Variants in CDK6 observed in about 807,000 individuals in gnomAD.
The protein encoded by CDK6 is cyclin-dependent kinase 6.
Under a neutral mutation model 37.1 loss-of-function variants are expected in CDK6, and 6 were observed. That is an observed-to-expected ratio of 0.16 (90% CI 0.09 to 0.32). CDK6 has a LOEUF of 0.32. Among genes scored for constraint, CDK6 ranks in the 10% least tolerant of loss-of-function variants. The pLI, the probability that CDK6 is intolerant of heterozygous loss-of-function variation, is 1.00. For missense variants in CDK6, 224 were observed against 418.9 expected, an observed-to-expected ratio of 0.53 and a Z score of 4.06; for synonymous variants, 160 against 161.3, an observed-to-expected ratio of 0.99 and a Z score of 0.06.
At chr7:92,749,960 G>A (rs1799151071) in intron 3 of CDK6, among the ~76,000 whole-genome samples, 2 of 152,152 alleles carry the variant, frequency 1.3e-5, no homozygotes, top group South Asian at 4.1e-4. Context: ...TCTAGTTGAG[G>A]AGAATAAAAT....
At chr7:92,732,808 T>A (rs528222790) in intron 3 of CDK6, among the ~76,000 whole-genome samples, 30 of 152,296 alleles carry the variant, frequency 2.0e-4, no homozygotes, top group Non-Finnish European at 3.1e-4. Flanking sequence ...CTTCCTCATC[T>A]CCCATTCCTC....
intron 3 of CDK6, among the ~76,000 whole-genome samples, chr7:92,752,712 C>G (rs1443566805): frequency 1.6e-4 from 24 of 152,130 alleles, no homozygotes; most frequent in Admixed American, 1.6e-3. Flanking sequence ...CAAAGCAGTT[C>G]ATCATGATTG....
At chr7:92,628,039 C>G (rs1795968731) in intron 5 of CDK6, among the ~76,000 whole-genome samples, 1 of 152,056 alleles carries the variant, frequency 6.6e-6, no homozygotes, top group Admixed American at 6.6e-5. Context: ...CAATCAAGTA[C>G]TTGTCTGGAG....
At chr7:92,763,183 A>G (rs1799500444) in intron 3 of CDK6, among the ~76,000 whole-genome samples, 1 of 152,242 alleles carries the variant, frequency 6.6e-6, no homozygotes, top group Non-Finnish European at 1.5e-5. Context: ...CTAGAATGAC[A>G]ATTAGAAGAA....
chr7:92,759,716 A>G (rs1799407085), intron 3 of CDK6, among the ~76,000 whole-genome samples: 1 of 146,412 alleles, frequency 6.8e-6, no homozygotes, highest in Non-Finnish European at 1.5e-5. Context: ...AAAAAAAAAA[A>G]GAAAAAAGAA....
At chr7:92,715,580 T>A (rs543350879) in intron 4 of CDK6, among the ~76,000 whole-genome samples, 1 of 152,258 alleles carries the variant, frequency 6.6e-6, no homozygotes, top group Admixed American at 6.5e-5. Flanking sequence ...TTTCAATCCC[T>A]AGAGAGGGGG....
At chr7:92,682,351 C>T (rs901986217) in intron 4 of CDK6, among the ~76,000 whole-genome samples, 3 of 152,170 alleles carry the variant, frequency 2.0e-5, no homozygotes, top group South Asian at 4.1e-4. Context: ...TGTCAGAGAC[C>T]GTGAGGTTCT....
intron 5 of CDK6, among the ~76,000 whole-genome samples, chr7:92,664,708 C>T (rs1033571984): frequency 6.6e-6 from 1 of 152,172 alleles, no homozygotes; most frequent in African/African-American, 2.4e-5. Context: ...GCAGAGCTGG[C>T]AACTCAGAAC....
intron 2 of CDK6, among the ~76,000 whole-genome samples, chr7:92,808,988 T>C (rs982435417): frequency 6.6e-6 from 1 of 152,174 alleles, no homozygotes; most frequent in Admixed American, 6.6e-5. Flanking sequence ...TAGAGGCCTC[T>C]GTAAAGATGA....
intron 4 of CDK6, among the ~76,000 whole-genome samples, chr7:92,711,551 AATTTTTTTTTTTT>A (rs1657200645): frequency 7.7e-6 from 1 of 130,532 alleles, no homozygotes; most frequent in Non-Finnish European, 1.5e-5. Context: ...GGAATGGTCA[AATTTTTTTTTTTT>A]TTTTTTTTTT....
intron 2 of CDK6, among the ~76,000 whole-genome samples, chr7:92,803,713 C>T (rs117944678): frequency 2.0e-5 from 3 of 152,200 alleles, no homozygotes; most frequent in Non-Finnish European, 4.4e-5. Flanking sequence ...ATCATATGAA[C>T]TGGAACATAA....
chr7:92,611,946 C>T lies in CDK6; in HGVS notation c.*3194G>A. 4.3e-6 allele frequency: 1 copy of T among 232,842 alleles called. No homozygotes were observed. Among genetic ancestry groups the T allele is most frequent in the Non-Finnish European group, 8.5e-6 (1 of 117,766 alleles). 14.4% of individuals were successfully genotyped at this position (232,842 alleles called of 1,614,324 possible). On this transcript the variant is annotated 3_prime_UTR_variant, in exon 8 of 8. Coordinates refer to ENST00000424848, the MANE Select transcript of CDK6 (RefSeq NM_001145306.2). ...GCTTTCTTCCAAAACAGGTTCTTTG[C>T]ACCTTGAGTTCCCATCCACTTCAAA...
chr7:92,727,819 A>G (rs182266510), intron 3 of CDK6, among the ~76,000 whole-genome samples: 64 of 152,336 alleles, frequency 4.2e-4, no homozygotes, highest in Admixed American at 2.0e-3. Flanking sequence ...TGCAGGTCCA[A>G]TAAGTTGTAA....
intron 2 of CDK6, among the ~76,000 whole-genome samples, chr7:92,809,403 C>A (rs992893822): frequency 6.6e-6 from 1 of 152,192 alleles, no homozygotes; most frequent in Non-Finnish European, 1.5e-5. Flanking sequence ...TAGACCTATT[C>A]TGGACCATTC....
chr7:92,831,627 T>C (rs574622980), intron 2 of CDK6, among the ~76,000 whole-genome samples: 1 of 152,360 alleles, frequency 6.6e-6, no homozygotes, highest in African/African-American at 2.4e-5. Flanking sequence ...CTATAGGTTT[T>C]TATATATAAT....
At chr7:92,781,092 G>A (rs1387075845) in intron 2 of CDK6, among the ~76,000 whole-genome samples, 1 of 152,202 alleles carries the variant, frequency 6.6e-6, no homozygotes, top group African/African-American at 2.4e-5. Flanking sequence ...TGATCCAAGT[G>A]AATGTTCAAA....
intron 5 of CDK6, among the ~76,000 whole-genome samples, chr7:92,626,778 T>C (rs1795937352): frequency 6.6e-6 from 1 of 152,042 alleles, no homozygotes; most frequent in African/African-American, 2.4e-5. Flanking sequence ...AGCATGATTT[T>C]AAGTTTGTAT....
chr7:92,650,697 G>A (rs1796552551), intron 5 of CDK6, among the ~76,000 whole-genome samples: 1 of 152,122 alleles, frequency 6.6e-6, no homozygotes, highest in Non-Finnish European at 1.5e-5. Flanking sequence ...GCTGAATTCA[G>A]TCTGATGTGG....
intron 2 of CDK6, among the ~76,000 whole-genome samples, chr7:92,796,556 A>G (rs546491825): frequency 6.6e-6 from 1 of 152,276 alleles, no homozygotes; most frequent in South Asian, 2.1e-4. Flanking sequence ...AAAGATATAC[A>G]GTCTATTTCC....
Sources: allele counts gnomAD v4.1 joint callset (sites outside exome capture counted in the v4.1 genomes callset), GRCh38; gene constraint gnomAD v4.1.1; transcripts MANE v1.5; gene names NCBI Gene and HGNC (gene_info 2026-07-23, HGNC 2026-07-21).